Variants in NSD3 observed in about 807,000 individuals in gnomAD.
The protein encoded by NSD3 is histone-lysine N-methyltransferase NSD3.
A neutral mutation model predicts 160.8 loss-of-function variants in NSD3; 24 were observed. The observed-to-expected ratio is 0.15, with a 90% CI of 0.11 to 0.21. NSD3 has a LOEUF of 0.21. NSD3 is among the 10% of genes least tolerant of loss of function. The pLI, the probability that NSD3 is intolerant of heterozygous loss-of-function variation, is 1.00. For synonymous variants in NSD3, 520 were observed against 600.0 expected (o/e 0.87, Z 1.95); for missense variants, 1,157 against 1,735.9 (o/e 0.67, Z 5.93).
At chr8:38,303,187 G>A (rs998566956) in intron 14 of NSD3, 36 of 970,188 alleles carry the variant, frequency 3.7e-5, no homozygotes, top group African/African-American at 1.4e-4. Context: ...CCACTCATCC[G>A]TTTAAAAGAC....
Position 38,304,579 on chromosome 8 carries a change from A to G in NSD3, c.2611+8T>C. The G allele has an allele frequency of 6.2e-7, 1 of 1,603,906 alleles. No individual in the cohort carries two copies. Among genetic ancestry groups the G allele is most frequent in the South Asian group, 1.1e-5 (1 of 89,000 alleles). On this transcript the variant is annotated splice_region_variant and intron_variant, in intron 14 of 23. Transcript: ENST00000317025. ...AAAAATAAATGAAGAGAAAAGTCAG[A>G]CACTCACCTCTGGCACAAACGAAAC...
intron 19 of NSD3, among the ~76,000 whole-genome samples, chr8:38,284,976 T>TA (rs1203693891): frequency 6.6e-6 from 1 of 152,264 alleles, no homozygotes; most frequent in Non-Finnish European, 1.5e-5. Context: ...GACAGATCTT[T>TA]AGCCTCAAAG....
intron 3 of NSD3, among the ~76,000 whole-genome samples, chr8:38,338,028 G>A (rs901544519): frequency 7.2e-5 from 11 of 152,208 alleles, no homozygotes; most frequent in African/African-American, 2.4e-4. Context: ...TCGGCCAGGC[G>A]CGGTGGCTCA....
chr8:38,321,566 T>C lies in NSD3; in HGVS notation c.1709-394A>G, dbSNP rs1419343275. On this transcript the variant is annotated intron_variant, in intron 7 of 23. Coordinates refer to ENST00000317025, the MANE Select transcript of NSD3 (RefSeq NM_023034.2). The surrounding 1 kb of genome is among the most constrained non-coding windows in gnomAD (Gnocchi z 4.7). ...ATTATCCACCTGATGTTAGAAATTATTGGTTCAAAATTCAATCAGTGCCAC... is the reference window on the plus strand; with the variant it reads ...ATTATCCACCTGATGTTAGAAATTACTGGTTCAAAATTCAATCAGTGCCAC... Among the ~76,000 whole-genome samples, 1 of 152,226 alleles carries C rather than the reference T, an allele frequency of 6.6e-6. No individual in the cohort carries two copies. Among genetic ancestry groups the C allele is most frequent in the Non-Finnish European group, 1.5e-5 (1 of 68,038 alleles).
intron 2 of NSD3, among the ~76,000 whole-genome samples, chr8:38,343,636 G>A (rs1452085975): frequency 6.6e-6 from 1 of 152,202 alleles, no homozygotes; most frequent in African/African-American, 2.4e-5. Flanking sequence ...CCTGGAGGCA[G>A]AGGTTGCAGT....
Position 38,274,824 on chromosome 8 carries a change from T to TGCTTCATATCCACAGAAACGC in NSD3, c.*796_*816dup, listed in dbSNP as rs1388328144. 5.8e-6 allele frequency: 1 copy of TGCTTCATATCCACAGAAACGC among 173,710 alleles called. No individual in the cohort carries two copies. Among genetic ancestry groups the TGCTTCATATCCACAGAAACGC allele is most frequent in the East Asian group, 1.0e-4 (1 of 9,688 alleles). 10.8% of individuals were successfully genotyped at this position (173,710 alleles called of 1,614,324 possible). On this transcript the variant is annotated 3_prime_UTR_variant, in exon 24 of 24. Coordinates refer to ENST00000317025, the MANE Select transcript of NSD3 (RefSeq NM_023034.2). Reference sequence around the variant, plus strand: ...AAAATAGGAGTGACCATTCCAACTATGCTTCATATCCACAGAAACGCACTT... The same window carrying TGCTTCATATCCACAGAAACGC: ...AAAATAGGAGTGACCATTCCAACTATGCTTCATATCCACAGAAACGCGCTTCATATCCACAGAAACGCACTT...
intron 12 of NSD3, among the ~76,000 whole-genome samples, chr8:38,313,375 T>C (rs1208291454): frequency 2.0e-5 from 3 of 152,188 alleles, no homozygotes; most frequent in Non-Finnish European, 4.4e-5. Flanking sequence ...GCTATCTTTG[T>C]GACTTTGGGG....
intron 5 of NSD3, 120 bp from the exon 6 acceptor site, chr8:38,330,013 T>C: frequency 8.3e-7 from 1 of 1,210,146 alleles, no homozygotes; most frequent in Non-Finnish European, 1.1e-6. Context: ...TTCAGGTTCT[T>C]TGGTCAAACA....
chr8:38,317,895 A>G lies in NSD3; in HGVS notation c.1855+1000T>C. The G allele has an allele frequency of 6.2e-7, 1 of 1,602,976 alleles. No homozygotes were observed. The highest frequency in any genetic ancestry group is 8.5e-7 in the Non-Finnish European group (1 of 1,174,420). Reference sequence around the variant, plus strand: ...AGAAACTGTTTATCAAGCCGCCGACAAAGAAATCTTGCATGGAGACTACAA... The same window carrying G: ...AGAAACTGTTTATCAAGCCGCCGACGAAGAAATCTTGCATGGAGACTACAA... On this transcript the variant is annotated intron_variant, in intron 9 of 23. Transcript: ENST00000317025. This position sits in a 1 kb window ranked among gnomAD's most constrained non-coding sequence, Gnocchi z 5.3.
chr8:38,315,770 C>A (rs2131021429), intron 10 of NSD3, 142 bp downstream of exon 10: 6 of 1,327,530 alleles, frequency 4.5e-6, no homozygotes, highest in Non-Finnish European at 6.1e-6. Flanking sequence ...AACATGAGAG[C>A]AAAAGAATTA....
At chr8:38,348,610 T>C (rs1049038496) in intron 1 of NSD3, among the ~76,000 whole-genome samples, 2 of 152,218 alleles carry the variant, frequency 1.3e-5, no homozygotes, top group Admixed American at 1.3e-4. Context: ...TTAAAATCAT[T>C]CATATTTTGT....
chr8:38,311,177 T>C (rs554238314), intron 12 of NSD3, among the ~76,000 whole-genome samples: 1 of 151,876 alleles, frequency 6.6e-6, no homozygotes, highest in East Asian at 1.9e-4. Context: ...GGCTCCCCAG[T>C]GTGCTAGGAT....
chr8:38,317,768 A>G lies in NSD3; in HGVS notation c.1855+1127T>C. On this transcript the variant is annotated intron_variant, in intron 9 of 23. Transcript: ENST00000317025. The surrounding 1 kb of genome is among the most constrained non-coding windows in gnomAD (Gnocchi z 5.3). ...ACCCATCCAGCTCAAACCGAAAAAAAAAAATCATTTGACTGTTAAAGCAAT... is the reference window on the plus strand; with the variant it reads ...ACCCATCCAGCTCAAACCGAAAAAAGAAAATCATTTGACTGTTAAAGCAAT... 7.1e-7 allele frequency: 1 copy of G among 1,416,186 alleles called. No individual in the cohort carries two copies. Among genetic ancestry groups the G allele is most frequent in the South Asian group, 1.5e-5 (1 of 65,370 alleles). 87.7% of individuals were successfully genotyped at this position (1,416,186 alleles called of 1,614,324 possible).
At chr8:38,280,577 TAGTCAACAA>T (rs1297589938) in intron 20 of NSD3, among the ~76,000 whole-genome samples, 1 of 152,088 alleles carries the variant, frequency 6.6e-6, no homozygotes, top group Non-Finnish European at 1.5e-5. Context: ...TGTAACAAAA[TAGTCAACAA>T]ATCACTTATC....
At chr8:38,320,327 C>T (rs748573325) in intron 8 of NSD3, 2 of 151,922 alleles carry the variant, frequency 1.3e-5, no homozygotes, top group African/African-American at 2.4e-5. Flanking sequence ...GTTTTGTTTG[C>T]TAGCAGGTGT....
chr8:38,278,852 A>G (rs994905272), intron 21 of NSD3, among the ~76,000 whole-genome samples: 2 of 152,246 alleles, frequency 1.3e-5, no homozygotes, highest in African/African-American at 4.8e-5. Context: ...ATGAAGGTTT[A>G]CTGCATACAC....
chr8:38,360,120 C>A (rs1300417539), intron 1 of NSD3, among the ~76,000 whole-genome samples: 1 of 151,938 alleles, frequency 6.6e-6, no homozygotes. Flanking sequence ...CTCAGCCTCC[C>A]AAGTAGCTGG....
chr8:38,286,312 C>A (rs1808855134), intron 19 of NSD3, among the ~76,000 whole-genome samples: 1 of 151,174 alleles, frequency 6.6e-6, no homozygotes, highest in South Asian at 2.1e-4. Context: ...CAAACACACA[C>A]ACACACACCC....
intron 1 of NSD3, among the ~76,000 whole-genome samples, chr8:38,364,196 G>C (rs1163962637): frequency 1.3e-5 from 2 of 152,104 alleles, no homozygotes. Flanking sequence ...ACGATCGCTT[G>C]AACCTGGGAG....
Sources: allele counts gnomAD v4.1 joint callset (sites outside exome capture counted in the v4.1 genomes callset), GRCh38; gene constraint gnomAD v4.1.1; non-coding constraint Gnocchi (gnomAD v3.1); transcripts MANE v1.5; gene names NCBI Gene and HGNC (gene_info 2026-07-23, HGNC 2026-07-21).